The following EPB41L2 variants were observed in gnomAD, a reference collection of about 807,000 sequenced individuals.
EPB41L2 encodes the protein band 4.1-like protein 2.
Under a neutral mutation model 113.0 loss-of-function variants are expected in EPB41L2, and 43 were observed. The ratio of observed to expected loss-of-function variants is 0.38; its 90% CI spans 0.30 to 0.49. The LOEUF is 0.49. EPB41L2 is among the 20% of genes least tolerant of loss of function. The pLI is 0.95. For missense variants in EPB41L2, 1,147 were observed against 1,223.4 expected, an observed-to-expected ratio of 0.94 and a Z score of 0.93; for synonymous variants, 442 against 436.7, an observed-to-expected ratio of 1.01 and a Z score of -0.15.
chr6:130,865,521 C>G lies in EPB41L2; in HGVS notation c.2829+15G>C. On this transcript the variant is annotated intron_variant, in intron 17 of 19. Coordinates refer to ENST00000337057, the MANE Select transcript of EPB41L2 (RefSeq NM_001431.4). ...ATGTACCATCCTCTCCATATGATCC[C>G]CTGCATTGCTTTACCTTGGTGATGT... 1 of 1,611,862 alleles carries G rather than the reference C, an allele frequency of 6.2e-7. No individual in the cohort carries two copies. Among genetic ancestry groups the G allele is most frequent in the Non-Finnish European group, 8.5e-7 (1 of 1,178,094 alleles).
intron 1 of EPB41L2, among the ~76,000 whole-genome samples, chr6:131,018,096 A>C (rs951475960): frequency 7.2e-5 from 11 of 152,322 alleles, no homozygotes; most frequent in Admixed American, 3.9e-4. Context: ...AACAGACCCA[A>C]GTACATTCTG....
At chr6:130,890,243 T>A in intron 11 of EPB41L2, 51 bp downstream of exon 11, 1 of 1,556,584 alleles carries the variant, frequency 6.4e-7, no homozygotes, top group African/African-American at 1.4e-5. Flanking sequence ...TCTGACCTCA[T>A]GGGATTAGAG....
At chr6:131,049,253 T>C (rs1796085317) in intron 1 of EPB41L2, among the ~76,000 whole-genome samples, 1 of 152,226 alleles carries the variant, frequency 6.6e-6, no homozygotes, top group Admixed American at 6.5e-5. Context: ...ATCTTGGCAT[T>C]AAGGAAATTA....
intron 1 of EPB41L2, among the ~76,000 whole-genome samples, chr6:131,017,670 T>C (rs1788539436): frequency 6.6e-6 from 1 of 152,214 alleles, no homozygotes; most frequent in Non-Finnish European, 1.5e-5. Flanking sequence ...TCCCTTCACC[T>C]ACAGGTACAG....
intron 4 of EPB41L2, among the ~76,000 whole-genome samples, chr6:130,924,753 ACC>A (rs758435875): frequency 4.6e-5 from 7 of 152,038 alleles, no homozygotes; most frequent in Non-Finnish European, 8.8e-5. Context: ...TTACCTTCCT[ACC>A]CATAGTACAC....
chr6:131,013,026 A>G (rs1787388201), intron 1 of EPB41L2, among the ~76,000 whole-genome samples: 1 of 152,188 alleles, frequency 6.6e-6, no homozygotes, highest in Non-Finnish European at 1.5e-5. Context: ...TAACTACATG[A>G]CACCCTCTCT....
At position 130,952,540 on chromosome 6, in the gene EPB41L2, T is replaced by A. The variant is rs546887295; in HGVS notation, c.705+2565A>T. ...GCAATGTCTTAAATGTTCTATTTTGTTAAAGATCTAAAACACTGTAATCCC... is the reference window on the plus strand; with the variant it reads ...GCAATGTCTTAAATGTTCTATTTTGATAAAGATCTAAAACACTGTAATCCC... On this transcript the variant is annotated intron_variant, in intron 3 of 19. Transcript: ENST00000337057. 3.9e-5 allele frequency among the ~76,000 whole-genome samples: 6 copies of A among 152,024 alleles called. No individual in the cohort carries two copies. The East Asian group carries it at 1.2e-3, about 29-fold the overall frequency.
intron 3 of EPB41L2, among the ~76,000 whole-genome samples, chr6:130,951,731 T>C (rs1243492107): frequency 6.6e-6 from 1 of 152,164 alleles, no homozygotes; most frequent in Admixed American, 6.5e-5. Context: ...GAGAGGATCA[T>C]ACTTGCCCAC....
At chr6:130,944,437 T>C (rs1199729468) in intron 3 of EPB41L2, among the ~76,000 whole-genome samples, 1 of 152,044 alleles carries the variant, frequency 6.6e-6, no homozygotes, top group East Asian at 1.9e-4. Context: ...GAGAAACTAA[T>C]AATAAACCAG....
chr6:130,952,822 T>G (rs897460828), intron 3 of EPB41L2, among the ~76,000 whole-genome samples: 6 of 148,292 alleles, frequency 4.0e-5, no homozygotes, highest in Non-Finnish European at 9.0e-5. Context: ...AAAAAAAAAA[T>G]CTAAAACACA....
intron 4 of EPB41L2, among the ~76,000 whole-genome samples, chr6:130,925,301 G>A (rs887457000): frequency 1.3e-5 from 2 of 148,556 alleles, no homozygotes; most frequent in Admixed American, 6.8e-5. Context: ...TGATTCTCCT[G>A]CCTCAGCCTC....
intron 19 of EPB41L2, among the ~76,000 whole-genome samples, chr6:130,849,692 G>C (rs1380696534): frequency 6.6e-6 from 1 of 152,192 alleles, no homozygotes; most frequent in African/African-American, 2.4e-5. Flanking sequence ...GTCTGTCCCT[G>C]TGTGTAGCAT....
chr6:130,937,001 A>G (rs539940309), intron 3 of EPB41L2, among the ~76,000 whole-genome samples: 1 of 152,372 alleles, frequency 6.6e-6, no homozygotes, highest in South Asian at 2.1e-4. Flanking sequence ...GTTCGCAGCA[A>G]AATTGCGCAT....
chr6:131,053,142 C>T (rs571920153), intron 1 of EPB41L2, among the ~76,000 whole-genome samples: 6 of 151,792 alleles, frequency 4.0e-5, no homozygotes, highest in African/African-American at 1.5e-4. Context: ...GTGATCTGCC[C>T]GCCTCGGCCT....
At chr6:130,979,902 A>G (rs909028622) in intron 1 of EPB41L2, among the ~76,000 whole-genome samples, 2 of 152,334 alleles carry the variant, frequency 1.3e-5, no homozygotes, top group African/African-American at 4.8e-5. Context: ...CAATGGTATC[A>G]GAGGTAGATG....
chr6:130,926,747 A>C (rs749594644), intron 3 of EPB41L2, 38 bp from the exon 4 acceptor site: 18 of 1,298,214 alleles, frequency 1.4e-5, no homozygotes, highest in Non-Finnish European at 1.7e-5. Flanking sequence ...TCAAGTACTA[A>C]AGATTCCAAG....
At chr6:130,879,979 G>A (rs980596112) in intron 13 of EPB41L2, among the ~76,000 whole-genome samples, 165 bp downstream of exon 13, 1 of 152,110 alleles carries the variant, frequency 6.6e-6, no homozygotes, top group Non-Finnish European at 1.5e-5. Flanking sequence ...TAAGCCACTT[G>A]AAAGGAACAC....
At chr6:130,891,456 T>TTAC (rs1792845127) in intron 10 of EPB41L2, among the ~76,000 whole-genome samples, 2 of 118,112 alleles carry the variant, frequency 1.7e-5, no homozygotes, top group African/African-American at 8.3e-5. Context: ...TACTTACTTA[T>TTAC]TTAATTTTTT....
intron 1 of EPB41L2, among the ~76,000 whole-genome samples, chr6:130,995,257 C>T (rs990694532): frequency 1.3e-5 from 2 of 152,184 alleles, no homozygotes; most frequent in African/African-American, 4.8e-5. Flanking sequence ...ATGGCATGAA[C>T]CTGGGAGGCG....
Sources: gnomAD v4.1 joint callset for allele counts (sites outside exome capture counted in the v4.1 genomes callset) on GRCh38, gnomAD v4.1.1 for gene constraint, MANE v1.5 for transcripts, NCBI Gene and HGNC (gene_info 2026-07-23, HGNC 2026-07-21) for gene names.